The following PRKG1 variants were observed in gnomAD, a reference collection of about 807,000 sequenced individuals.
PRKG1 encodes the protein protein kinase cGMP-dependent 1, also known as cGMP-dependent protein kinase 1.
In PRKG1, 35 loss-of-function variants were observed where a neutral mutation model predicts 88.1. The observed-to-expected ratio is 0.40, with a 90% CI of 0.30 to 0.53. The LOEUF (loss-of-function observed/expected upper bound fraction) is 0.53, where lower values mean the gene tolerates loss of function less well. Ranked by LOEUF, PRKG1 falls within the 20% of genes least tolerant of loss-of-function variation. The probability of loss-of-function intolerance (pLI) is 0.59; values close to 1 mark genes in which losing one functional copy is unlikely to be tolerated. For missense variants in PRKG1, 540 were observed against 839.8 expected (o/e 0.64, Z 4.41); for synonymous variants, 303 against 292.5 (o/e 1.04, Z -0.37).
intron 1 of PRKG1, among the ~76,000 whole-genome samples, chr10:51,027,579 G>T (rs1843223949): frequency 6.6e-6 from 1 of 152,134 alleles, no homozygotes; most frequent in Non-Finnish European, 1.5e-5. Flanking sequence ...AATTTAAAAT[G>T]ATCACATTGA....
chr10:51,159,388 T>C (rs1846305484), intron 2 of PRKG1, among the ~76,000 whole-genome samples: 1 of 152,146 alleles, frequency 6.6e-6, no homozygotes, highest in Non-Finnish European at 1.5e-5. Context: ...GAGTTTTTCG[T>C]GTTAATCCAA....
intron 3 of PRKG1, among the ~76,000 whole-genome samples, chr10:51,708,616 G>T (rs535570849): frequency 1.2e-4 from 19 of 152,046 alleles, no homozygotes; most frequent in Admixed American, 4.6e-4. Flanking sequence ...TCTCTCTCTA[G>T]TCCATTGTCA....
chr10:51,245,765 A>C (rs1363128110), intron 2 of PRKG1: 1 of 152,128 alleles, frequency 6.6e-6, no homozygotes, highest in Non-Finnish European at 1.5e-5. Flanking sequence ...ACTGAGACTG[A>C]AGACCTTAAC....
intron 2 of PRKG1, among the ~76,000 whole-genome samples, chr10:51,369,172 C>T (rs1050654227): frequency 1.3e-5 from 2 of 152,118 alleles, no homozygotes; most frequent in Non-Finnish European, 1.5e-5. Flanking sequence ...TTAGAAGCGA[C>T]TGTTTCTGAA....
intron 3 of PRKG1, among the ~76,000 whole-genome samples, chr10:51,503,281 C>T (rs905395531): frequency 1.3e-5 from 2 of 152,124 alleles, no homozygotes; most frequent in South Asian, 2.1e-4. Flanking sequence ...ATATGTAAAA[C>T]AAAGAAGATG....
intron 3 of PRKG1, among the ~76,000 whole-genome samples, chr10:51,757,161 G>A (rs1249615754): frequency 1.3e-5 from 2 of 152,004 alleles, no homozygotes; most frequent in East Asian, 3.9e-4. Context: ...GAGTGTAGTG[G>A]CACAGTCTCA....
chr10:51,874,317 G>A (rs1321603070), intron 4 of PRKG1, among the ~76,000 whole-genome samples: 1 of 152,152 alleles, frequency 6.6e-6, no homozygotes, highest in Non-Finnish European at 1.5e-5. Context: ...AAAATACATG[G>A]ATGTTCAAAT....
chr10:51,209,100 T>G (rs138026380), intron 2 of PRKG1, among the ~76,000 whole-genome samples: 161 of 152,310 alleles, frequency 1.1e-3, no homozygotes, highest in African/African-American at 3.8e-3. Context: ...CCATGATATA[T>G]TCACTTTCAG....
intron 5 of PRKG1, among the ~76,000 whole-genome samples, chr10:52,022,605 T>A (rs1038610101): frequency 2.6e-5 from 4 of 152,168 alleles, no homozygotes; most frequent in African/African-American, 9.7e-5. Context: ...ATAGGCAGAA[T>A]AATATGAAAG....
At chr10:51,938,907 T>C in intron 5 of PRKG1, among the ~76,000 whole-genome samples, 1 of 152,180 alleles carries the variant, frequency 6.6e-6, no homozygotes, top group East Asian at 1.9e-4. Context: ...ATAGAATATA[T>C]TATTAATACT....
At chr10:51,236,627 C>T (rs1487299098) in intron 2 of PRKG1, among the ~76,000 whole-genome samples, 3 of 151,804 alleles carry the variant, frequency 2.0e-5, no homozygotes, top group South Asian at 2.1e-4. Flanking sequence ...CTCAGCCTCC[C>T]GAGCAGCTGA....
intron 3 of PRKG1, among the ~76,000 whole-genome samples, chr10:51,504,343 T>C (rs574703476): frequency 6.6e-6 from 1 of 152,288 alleles, no homozygotes; most frequent in Admixed American, 6.5e-5. Flanking sequence ...TCTGTTTTGG[T>C]ACCAGTACCA....
chr10:51,991,035 C>T (rs572243272), intron 5 of PRKG1, among the ~76,000 whole-genome samples: 10 of 152,186 alleles, frequency 6.6e-5, no homozygotes, highest in African/African-American at 9.6e-5. Flanking sequence ...TAACACTTTT[C>T]GTTGTAAAGA....
intron 7 of PRKG1, among the ~76,000 whole-genome samples, chr10:52,107,247 C>G (rs1430184619): frequency 2.0e-5 from 3 of 152,064 alleles, no homozygotes; most frequent in Non-Finnish European, 4.4e-5. Context: ...TTGGGTAAAC[C>G]AATGGAAGGG....
intron 3 of PRKG1, chr10:51,698,022 C>A (rs1339985952): frequency 6.2e-7 from 1 of 1,613,908 alleles, no homozygotes; most frequent in Admixed American, 1.7e-5. Context: ...ATGCCTGTAC[C>A]CTGCATACCA....
At chr10:52,281,496 C>T (rs1842002089) in intron 13 of PRKG1, among the ~76,000 whole-genome samples, 1 of 152,150 alleles carries the variant, frequency 6.6e-6, no homozygotes, top group Middle Eastern at 3.4e-3. Context: ...TGTTATTCAG[C>T]ATGTGGTTTT....
Position 51,941,438 on chromosome 10 carries a change from G to GT in PRKG1, c.762+33875dup, listed in dbSNP as rs202061117. Among the ~76,000 whole-genome samples the GT allele has an allele frequency of 4.4e-4, 66 of 151,488 alleles. 1 individual carries two copies. The East Asian group carries it at 0.012, about 27-fold the overall frequency. ...TTATATTTTGATCACACGTGCTTAT[G>GT]TTTTTTTATTATTTTATTTTATTAT... On this transcript the variant is annotated intron_variant, in intron 5 of 17. Transcript: ENST00000373980.
intron 3 of PRKG1, among the ~76,000 whole-genome samples, chr10:51,544,210 A>T (rs202021450): frequency 0.065 from 658 of 10,200 alleles, 22 homozygotes; most frequent in East Asian, 0.41. Context: ...CCCCTCCCCC[A>T]CCACCCCAAA....
chr10:51,925,342 T>C (rs7896346), intron 5 of PRKG1, among the ~76,000 whole-genome samples: 8,338 of 152,118 alleles, frequency 0.055, 276 homozygotes, highest in Middle Eastern at 0.11. Context: ...TGTTCTTAAA[T>C]AGATTCTGAG....
Sources: gnomAD v4.1 joint callset for allele counts (sites outside exome capture counted in the v4.1 genomes callset) on GRCh38, gnomAD v4.1.1 for gene constraint, MANE v1.5 for transcripts, NCBI Gene and HGNC (gene_info 2026-07-23, HGNC 2026-07-21) for gene names.